Variants in PSD3 observed in about 807,000 individuals in gnomAD.
PSD3 encodes the protein pleckstrin and Sec7 domain containing 3.
In PSD3, 49 loss-of-function variants were observed where a neutral mutation model predicts 105.5. The ratio of observed to expected loss-of-function variants is 0.46; its 90% confidence interval spans 0.37 to 0.59. The LOEUF is 0.59. Ranked by LOEUF, PSD3 falls within the 20% of genes least tolerant of loss-of-function variation. The probability of loss-of-function intolerance (pLI) is 0.00; values close to 1 mark genes in which losing one functional copy is unlikely to be tolerated. For synonymous variants in PSD3, 557 were observed against 457.8 expected, an observed-to-expected ratio of 1.22 and a Z score of -2.77; for missense variants, 1,561 against 1,263.8, an observed-to-expected ratio of 1.24 and a Z score of -3.57.
chr8:18,725,352 G>T (rs370141050), intron 9 of PSD3, among the ~76,000 whole-genome samples: 3 of 152,338 alleles, frequency 2.0e-5, no homozygotes, highest in South Asian at 4.1e-4. Context: ...AGTAGGATCA[G>T]ATCTTCAAAG....
intron 1 of PSD3, among the ~76,000 whole-genome samples, chr8:19,026,867 C>A (rs900938308): frequency 4.6e-5 from 7 of 151,726 alleles, no homozygotes; most frequent in African/African-American, 1.7e-4. Flanking sequence ...GAGCAAGAGC[C>A]TGCCCCCCCA....
chr8:18,970,832 G>A (rs1824603687), intron 1 of PSD3, among the ~76,000 whole-genome samples: 1 of 151,880 alleles, frequency 6.6e-6, no homozygotes, highest in Non-Finnish European at 1.5e-5. Context: ...GTGTGCACCT[G>A]TAGTACCAAC....
At chr8:18,846,630 A>G (rs1815111997) in intron 4 of PSD3, among the ~76,000 whole-genome samples, 1 of 152,186 alleles carries the variant, frequency 6.6e-6, no homozygotes, top group South Asian at 2.1e-4. Context: ...GTAACAATCA[A>G]CTTTCAAACA....
intron 9 of PSD3, among the ~76,000 whole-genome samples, chr8:18,717,659 T>C (rs1386124408): frequency 6.6e-6 from 1 of 152,218 alleles, no homozygotes; most frequent in Non-Finnish European, 1.5e-5. Context: ...GCCACAATAC[T>C]GGCTTTGATG....
chr8:18,600,847 G>A (rs1804388830), intron 11 of PSD3, among the ~76,000 whole-genome samples: 3 of 152,128 alleles, frequency 2.0e-5, no homozygotes, highest in South Asian at 4.1e-4. Context: ...AGCCTTTATA[G>A]CTTCTTCAGA....
At chr8:18,821,750 C>G (rs1428883033) in intron 4 of PSD3, among the ~76,000 whole-genome samples, 3 of 137,434 alleles carry the variant, frequency 2.2e-5, no homozygotes, top group African/African-American at 5.5e-5. Flanking sequence ...CCAGGTGGCT[C>G]TTAAACTTCT....
At chr8:19,057,275 A>AGTG (rs1303951733) in intron 1 of PSD3, among the ~76,000 whole-genome samples, 2 of 152,166 alleles carry the variant, frequency 1.3e-5, no homozygotes, top group Non-Finnish European at 2.9e-5. Context: ...TCACTCCAAG[A>AGTG]GTGGTATACA....
intron 1 of PSD3, among the ~76,000 whole-genome samples, chr8:18,988,279 G>A (rs1825612129): frequency 6.6e-6 from 1 of 152,090 alleles, no homozygotes; most frequent in Admixed American, 6.5e-5. Context: ...CTAGAATCGT[G>A]TAGTAAAGGG....
intron 1 of PSD3, among the ~76,000 whole-genome samples, chr8:19,082,486 T>C (rs766373517): frequency 7.9e-5 from 12 of 152,216 alleles, no homozygotes; most frequent in Non-Finnish European, 1.3e-4. Flanking sequence ...TTGCTCTCAA[T>C]AAGGACTTGG....
intron 2 of PSD3, among the ~76,000 whole-genome samples, chr8:18,896,752 G>A (rs142736210): frequency 2.0e-5 from 3 of 151,874 alleles, no homozygotes; most frequent in East Asian, 3.9e-4. Context: ...CACCTACAAT[G>A]TGTAAGAGTT....
intron 4 of PSD3, among the ~76,000 whole-genome samples, chr8:18,836,551 T>G (rs1256711407): frequency 1.3e-5 from 2 of 152,198 alleles, no homozygotes; most frequent in Non-Finnish European, 2.9e-5. Context: ...CTTTTCAAGT[T>G]GTTTTCAGTG....
intron 4 of PSD3, among the ~76,000 whole-genome samples, chr8:18,824,821 C>A (rs570767050): frequency 1.1e-4 from 16 of 152,228 alleles, no homozygotes; most frequent in Non-Finnish European, 2.1e-4. Flanking sequence ...CAATAACACA[C>A]AGTACTTCAG....
intron 2 of PSD3, among the ~76,000 whole-genome samples, chr8:18,919,178 C>T (rs17127431): frequency 0.046 from 6,977 of 152,164 alleles, 194 homozygotes; most frequent in Admixed American, 0.08. Context: ...TGATCTCTTC[C>T]GGGGCTTCAG....
intron 13 of PSD3, among the ~76,000 whole-genome samples, chr8:18,573,427 G>A (rs978215782): frequency 7.2e-5 from 11 of 152,142 alleles, no homozygotes; most frequent in Non-Finnish European, 1.3e-4. Flanking sequence ...CAGAGATCAC[G>A]CCACCGCACT....
chr8:18,731,905 G>A (rs937941143), intron 9 of PSD3, among the ~76,000 whole-genome samples: 1 of 152,152 alleles, frequency 6.6e-6, no homozygotes, highest in Admixed American at 6.5e-5. Context: ...CTGCCCATCA[G>A]TGAGTAGGAT....
At chr8:18,909,443 C>T (rs1820060113) in intron 2 of PSD3, among the ~76,000 whole-genome samples, 2 of 151,908 alleles carry the variant, frequency 1.3e-5, no homozygotes, top group Admixed American at 1.3e-4. Flanking sequence ...TCTTGCTTCT[C>T]GGCTATTTTG....
chr8:18,636,639 C>A (rs1019576432), intron 10 of PSD3, among the ~76,000 whole-genome samples: 5 of 152,044 alleles, frequency 3.3e-5, no homozygotes, highest in Admixed American at 1.3e-4. Flanking sequence ...GGTAAAGTGC[C>A]CTAAACAGGA....
At chr8:18,542,727 A>T (rs17643455) in intron 15 of PSD3, among the ~76,000 whole-genome samples, 3,586 of 152,292 alleles carry the variant, frequency 0.024, 65 homozygotes, top group East Asian at 0.085. Flanking sequence ...CTAACTAATA[A>T]GACTGGCCTT....
At chr8:18,661,848 C>T (rs1293114573) in intron 9 of PSD3, among the ~76,000 whole-genome samples, 1 of 152,196 alleles carries the variant, frequency 6.6e-6, no homozygotes, top group Non-Finnish European at 1.5e-5. Flanking sequence ...TCCCTTTAAG[C>T]TATTTGTGTT....
Sources: gnomAD v4.1 joint callset for allele counts (sites outside exome capture counted in the v4.1 genomes callset) on GRCh38, gnomAD v4.1.1 for gene constraint, MANE v1.5 for transcripts, NCBI Gene and HGNC (gene_info 2026-07-23, HGNC 2026-07-21) for gene names.